The following TMEM94 variants were observed in gnomAD, a reference collection of about 807,000 sequenced individuals.
The protein encoded by TMEM94 is ER Mg2+ ATPase.
In TMEM94, 81 loss-of-function variants were observed where a neutral mutation model predicts 158.6. That is an observed-to-expected ratio of 0.51 (90% confidence interval 0.43 to 0.61). The LOEUF is 0.61. TMEM94 is among the 20% of genes least tolerant of loss of function. TMEM94 has a pLI of 0.00. For missense variants in TMEM94, 1,435 were observed against 1,762.0 expected (o/e 0.81, Z 3.32); for synonymous variants, 751 against 730.7 (o/e 1.03, Z -0.45).
intron 16 of TMEM94, 111 bp from the exon 17 acceptor site, chr17:75,493,380 C>T: frequency 1.8e-6 from 2 of 1,119,188 alleles, no homozygotes; most frequent in South Asian, 2.7e-5. Flanking sequence ...GGAGTCTCCT[C>T]CTCTGGCAGG....
intron 23 of TMEM94, 48 bp downstream of exon 23, chr17:75,496,122 C>T: frequency 6.5e-7 from 1 of 1,540,374 alleles, no homozygotes; most frequent in Admixed American, 1.8e-5. Context: ...ACCTCCCAGA[C>T]CGGAGGATCA....
Position 75,495,375 on chromosome 17 carries a change from C to T in TMEM94, c.2820C>T (p.Pro940=). 6.2e-7 allele frequency: 1 copy of T among 1,613,922 alleles called. No homozygotes were observed. The highest frequency in any genetic ancestry group is 1.3e-5 in the African/African-American group (1 of 75,052). Residue 940 remains proline, a synonymous_variant, in exon 21 of 32, where the codon CCC becomes CCT. Transcript: ENST00000314256. This position sits in a 1 kb window ranked among gnomAD's most constrained non-coding sequence, Gnocchi z 5.6. Reference sequence around the variant, plus strand: ...TCCAGCCTACGGACAGCGACATCCCCAGCTTCCTGGAGGACTCCAACCGGG... The same window carrying T: ...TCCAGCCTACGGACAGCGACATCCCTAGCTTCCTGGAGGACTCCAACCGGG... ...ISFQPTDSDI[P]SFLEDSNRAK...
intron 2 of TMEM94, among the ~76,000 whole-genome samples, chr17:75,481,432 G>A (rs890100593): frequency 1.3e-5 from 2 of 152,354 alleles, no homozygotes; most frequent in East Asian, 3.9e-4. Flanking sequence ...GAATCCTGGG[G>A]CCAGGCCCCG....
intron 16 of TMEM94, 156 bp downstream of exon 16, chr17:75,493,258 AG>A: frequency 1.1e-6 from 1 of 938,872 alleles, no homozygotes; most frequent in Non-Finnish European, 1.6e-6. Context: ...ATTGGGGACC[AG>A]GGCTGGGATG....
chr17:75,475,186 C>T lies in TMEM94; in HGVS notation c.24+3257C>T, dbSNP rs150802788. Among the ~76,000 whole-genome samples, 1,028 of 152,242 alleles carry T rather than the reference C, an allele frequency of 6.8e-3. 9 individuals are homozygous for T. The highest frequency in any genetic ancestry group is 0.023 in the African/African-American group (965 of 41,538). ...TCACAGTGGCTGGCGTGGAAGCTGACCCCCACTGCCAACCTTTCCTTCTCT... is the reference window on the plus strand; with the variant it reads ...TCACAGTGGCTGGCGTGGAAGCTGATCCCCACTGCCAACCTTTCCTTCTCT... On this transcript the variant is annotated intron_variant, in intron 2 of 31. Transcript: ENST00000314256.
At chr17:75,480,093 G>C (rs1308617577) in intron 2 of TMEM94, among the ~76,000 whole-genome samples, 1 of 144,578 alleles carries the variant, frequency 6.9e-6, no homozygotes, top group African/African-American at 2.7e-5. Flanking sequence ...CGGTCTCAAA[G>C]GAAAAAAAAA....
In TMEM94 at chr17:75,498,896, C is replaced by T; in HGVS notation, c.3828-16C>T. On this transcript the variant is annotated splice_polypyrimidine_tract_variant and intron_variant, in intron 30 of 31. Coordinates refer to ENST00000314256, the MANE Select transcript of TMEM94 (RefSeq NM_014738.6). The surrounding 1 kb of genome is among the most constrained non-coding windows in gnomAD (Gnocchi z 6.7). Reference sequence around the variant, plus strand: ...CAAGCAGTGTCGGGTTCACACGGGGCCGCCACCTCCTGCAGGCTGCTGGGT... The same window carrying T: ...CAAGCAGTGTCGGGTTCACACGGGGTCGCCACCTCCTGCAGGCTGCTGGGT... 1.3e-6 allele frequency: 2 copies of T among 1,533,788 alleles called. No individual in the cohort carries two copies. The highest frequency in any genetic ancestry group is 4.5e-5 in the East Asian group (2 of 44,084).
intron 1 of TMEM94, among the ~76,000 whole-genome samples, chr17:75,463,095 T>TC (rs2050155238): frequency 9.4e-5 from 1 of 10,682 alleles, no homozygotes; most frequent in African/African-American, 7.0e-4. Context: ...CACACACACA[T>TC]ATATATGTGT....
At chr17:75,476,235 G>A (rs1206850426) in intron 2 of TMEM94, among the ~76,000 whole-genome samples, 2 of 152,108 alleles carry the variant, frequency 1.3e-5, no homozygotes, top group Admixed American at 1.3e-4. Flanking sequence ...CAGGTTTCTG[G>A]GACAGGGGCA....
chr17:75,499,119 G>C (rs1393594837), intron 31 of TMEM94, 37 bp downstream of exon 31: 2 of 1,576,092 alleles, frequency 1.3e-6, no homozygotes, highest in Non-Finnish European at 1.7e-6. Context: ...CTGGGCTCAG[G>C]CATGTTCCCT....
intron 11 of TMEM94, 37 bp downstream of exon 11, chr17:75,490,795 C>T: frequency 6.3e-7 from 1 of 1,586,236 alleles, no homozygotes; most frequent in Non-Finnish European, 8.7e-7. Flanking sequence ...TCTCGCAGGT[C>T]CCTAGAGCCA....
intron 1 of TMEM94, among the ~76,000 whole-genome samples, chr17:75,461,915 A>G (rs1035199951): frequency 1.9e-4 from 27 of 144,426 alleles, no homozygotes; most frequent in African/African-American, 6.5e-4. Context: ...CTCCGTCTCA[A>G]AAAAAAAAAA....
At position 75,493,095 on chromosome 17, in the gene TMEM94, C is replaced by T. The variant is rs931034122; in HGVS notation, c.2079C>T (p.Thr693=). Residue 693 remains threonine (T), a synonymous_variant, in exon 16 of 32, where the codon ACC becomes ACT. Coordinates refer to ENST00000314256, the MANE Select transcript of TMEM94 (RefSeq NM_014738.6). ...SHMISLFIKD[T]TTSTEQMLSH... ...TGATCAGCCTCTTCATTAAAGACAC[C>T]ACCACCAGTGAGCCCTGGCTACGTT... is the stretch of plus-strand genomic sequence containing the variant. 4 of 1,612,826 alleles carry T rather than the reference C, an allele frequency of 2.5e-6. No individual in the cohort carries two copies. The highest frequency in any genetic ancestry group is 2.2e-5 in the East Asian group (1 of 44,880).
At chr17:75,465,759 A>T (rs2050290928) in intron 1 of TMEM94, among the ~76,000 whole-genome samples, 1 of 149,032 alleles carries the variant, frequency 6.7e-6, no homozygotes, top group South Asian at 2.1e-4. Flanking sequence ...GGCTAGACTC[A>T]AACTCTTGGC....
intron 1 of TMEM94, chr17:75,459,707 CA>C (rs1463287246): frequency 2.0e-5 from 3 of 152,154 alleles, no homozygotes; most frequent in Non-Finnish European, 4.4e-5. Context: ...GCCTGAACGC[CA>C]TAAAGCCTTT....
chr17:75,487,887 G>A lies in TMEM94; in HGVS notation c.410-45G>A, dbSNP rs201400302. On this transcript the variant is annotated intron_variant, in intron 5 of 31. Transcript: ENST00000314256. This position sits in a 1 kb window ranked among gnomAD's most constrained non-coding sequence, Gnocchi z 4.6. ...TGCTGCTGTATCTGACTGGGGGGCA[G>A]GGCCGTGGCTGAGAGGGTTGTTTCC... The A allele has an allele frequency of 1.2e-5, 19 of 1,538,206 alleles. No individual in the cohort carries two copies. Among genetic ancestry groups the A allele is most frequent in the Admixed American group, 6.7e-5 (4 of 59,432 alleles).
intron 1 of TMEM94, among the ~76,000 whole-genome samples, chr17:75,463,037 AATATATATATATATATATATATATAT>A (rs1179092824): frequency 3.4e-4 from 1 of 2,974 alleles, no homozygotes; most frequent in Non-Finnish European, 5.4e-4. Flanking sequence ...AAAAAAAAAA[AATATATATATATATATATATATATAT>A]ATATATATAT....
Position 75,463,160 on chromosome 17 carries a change from ATGTGTGTGTG to A in TMEM94, c.-107+6419_-107+6428del, listed in dbSNP as rs66559909. Among the ~76,000 whole-genome samples the A allele has an allele frequency of 2.8e-3, 51 of 18,078 alleles. 2 individuals carry two copies. The South Asian group carries it at 0.048, about 17-fold the overall frequency. 11.9% of individuals were successfully genotyped at this position (18,078 alleles called of 152,430 possible). On this transcript the variant is annotated intron_variant, in intron 1 of 31. Transcript: ENST00000314256. ...TATGTATATATATACACGTATATAT[ATGTGTGTGTG>A]TGTGTGTGTATATATATATATATAT...
Position 75,494,893 on chromosome 17 carries a change from C to T in TMEM94, c.2590-3C>T. 1 of 1,613,634 alleles carries T rather than the reference C, an allele frequency of 6.2e-7. No individual in the cohort carries two copies. Among genetic ancestry groups the T allele is most frequent in the Non-Finnish European group, 8.5e-7 (1 of 1,180,018 alleles). On this transcript the variant is annotated splice_polypyrimidine_tract_variant and splice_region_variant and intron_variant, in intron 19 of 31. Coordinates refer to ENST00000314256, the MANE Select transcript of TMEM94 (RefSeq NM_014738.6). Reference sequence around the variant, plus strand: ...TATGTTCATGGCCGTCTGCCTTTCACAGGTGTTTGCAGAAAAAATGGGCCT... The same window carrying T: ...TATGTTCATGGCCGTCTGCCTTTCATAGGTGTTTGCAGAAAAAATGGGCCT...
Sources: allele counts gnomAD v4.1 joint callset (sites outside exome capture counted in the v4.1 genomes callset), GRCh38; gene constraint gnomAD v4.1.1; non-coding constraint Gnocchi (gnomAD v3.1); transcripts MANE v1.5; gene names NCBI Gene and HGNC (gene_info 2026-07-23, HGNC 2026-07-21).